SOX5: variants seen among roughly 807,000 people sequenced by gnomAD.
The protein encoded by SOX5 is transcription factor SOX-5.
A neutral mutation model predicts 92.0 loss-of-function variants in SOX5; 9 were observed. The ratio of observed to expected loss-of-function variants is 0.10; its 90% CI spans 0.06 to 0.17. SOX5 has a LOEUF of 0.17. SOX5 is among the 10% of genes least tolerant of loss of function. The pLI, the probability that SOX5 is intolerant of heterozygous loss-of-function variation, is 1.00. For synonymous variants in SOX5, 344 were observed against 336.3 expected (o/e 1.02, Z -0.25); for missense variants, 642 against 944.5 (o/e 0.68, Z 4.20).
chr12:23,955,854 C>A (rs1946226087), upstream of SOX5, among the ~76,000 whole-genome samples: 1 of 152,086 alleles, frequency 6.6e-6, no homozygotes, highest in South Asian at 2.1e-4. Context: ...AATTTTTCAA[C>A]CTGGAAAGTA....
chr12:24,049,919 G>A (rs1425306868), intron 4 of SOX5, among the ~76,000 whole-genome samples: 1 of 151,700 alleles, frequency 6.6e-6, no homozygotes, highest in East Asian at 1.9e-4. Context: ...GCAGGGATAT[G>A]GCAACATGTG....
intron 3 of SOX5, among the ~76,000 whole-genome samples, chr12:23,775,028 G>C (rs2095054925): frequency 6.6e-6 from 1 of 152,020 alleles, no homozygotes; most frequent in Non-Finnish European, 1.5e-5. Context: ...ATTTGTAACG[G>C]CTATGACAAA....
At chr12:23,543,460 G>C (rs1471349194) in intron 12 of SOX5, 76 bp from the exon 13 acceptor site, 1 of 1,146,354 alleles carries the variant, frequency 8.7e-7, no homozygotes, top group African/African-American at 1.5e-5. Flanking sequence ...CTATTTTTCA[G>C]TCTATTAAGA....
chr12:24,199,593 G>C (rs1180144977), intron 4 of SOX5, among the ~76,000 whole-genome samples: 2 of 152,192 alleles, frequency 1.3e-5, no homozygotes, highest in East Asian at 3.9e-4. Context: ...GTGCTGGGTA[G>C]AAATAACACT....
chr12:24,505,576 T>C (rs1948636484), intron 1 of SOX5, among the ~76,000 whole-genome samples: 1 of 152,244 alleles, frequency 6.6e-6, no homozygotes, highest in African/African-American at 2.4e-5. Context: ...ACAGGTGCTC[T>C]GATAACAAGA....
intron 4 of SOX5, among the ~76,000 whole-genome samples, chr12:24,174,608 G>A (rs1161603684): frequency 6.6e-6 from 1 of 152,136 alleles, no homozygotes; most frequent in African/African-American, 2.4e-5. Flanking sequence ...GATCACCTGA[G>A]GTCAGGAGTT....
intron 8 of SOX5, among the ~76,000 whole-genome samples, chr12:23,635,201 C>T (rs997599285): frequency 4.0e-4 from 61 of 151,868 alleles, no homozygotes; most frequent in African/African-American, 1.4e-3. Flanking sequence ...AAGTGGGATT[C>T]GATTAGTAAA....
chr12:24,173,674 A>T (rs1319934959), intron 4 of SOX5, among the ~76,000 whole-genome samples: 2 of 152,194 alleles, frequency 1.3e-5, no homozygotes, highest in Admixed American at 1.3e-4. Context: ...TGCTGGGGTC[A>T]GGGCGGGGGA....
intron 8 of SOX5, among the ~76,000 whole-genome samples, chr12:23,624,988 T>C (rs1365569604): frequency 2.0e-5 from 3 of 152,186 alleles, no homozygotes; most frequent in Non-Finnish European, 4.4e-5. Context: ...TAACTTAGAT[T>C]GATCCCTATA....
chr12:24,140,218 C>G (rs373515076), intron 4 of SOX5, among the ~76,000 whole-genome samples: 7 of 151,818 alleles, frequency 4.6e-5, no homozygotes, highest in Non-Finnish European at 7.4e-5. Flanking sequence ...ATACATACAC[C>G]GTCAAAGATA....
rs547521328 is a variant in SOX5 at position 24,522,202 on chromosome 12, A to C, written c.-251+40127T>G. On this transcript the variant is annotated intron_variant, in intron 1 of 4. Transcript: ENST00000446891. ...ATAGATAAACTCCTAGAAATATGAG[A>C]CTTATAAGAATGAATCACAGAGAAA... is the stretch of plus-strand genomic sequence containing the variant. Among the ~76,000 whole-genome samples, 30 of 152,110 alleles carry C rather than the reference A, an allele frequency of 2.0e-4. No homozygotes were observed. In the East Asian group the frequency reaches 5.4e-3, roughly 27 times the overall value.
chr12:23,710,061 C>T (rs769506325), intron 6 of SOX5, among the ~76,000 whole-genome samples: 4 of 152,154 alleles, frequency 2.6e-5, no homozygotes, highest in Non-Finnish European at 5.9e-5. Flanking sequence ...GAAAAAGTCA[C>T]ATATTAGAAA....
chr12:24,376,034 T>C (rs1957229431), intron 1 of SOX5, among the ~76,000 whole-genome samples: 1 of 152,194 alleles, frequency 6.6e-6, no homozygotes, highest in Non-Finnish European at 1.5e-5. Flanking sequence ...CTAAGAAAGA[T>C]GACCACTTCT....
intron 3 of SOX5, among the ~76,000 whole-genome samples, chr12:24,245,807 G>A (rs1938584805): frequency 6.6e-6 from 1 of 152,140 alleles, no homozygotes; most frequent in African/African-American, 2.4e-5. Context: ...AGCAGCTAAG[G>A]AAAAGAGCTG....
intron 3 of SOX5, among the ~76,000 whole-genome samples, chr12:23,826,699 TA>T (rs34746862): frequency 0.58 from 86,858 of 149,840 alleles, 25,068 homozygotes; most frequent in East Asian, 0.82. Context: ...AATTAGGGCT[TA>T]AAAAAAAAAA....
At position 24,335,389 on chromosome 12, in the gene SOX5, A is replaced by T. The variant is rs202080853; in HGVS notation, c.-174+33174T>A. ...TTATTATAACAATCACATTTTAACA[A>T]TAGCCTTTATTGAGCATTTAGTATA... On this transcript the variant is annotated intron_variant, in intron 2 of 4. Coordinates refer to the SOX5 transcript ENST00000446891. 2.6e-5 allele frequency among the ~76,000 whole-genome samples: 4 copies of T among 152,206 alleles called. No homozygotes were observed. In the East Asian group the frequency reaches 7.7e-4, roughly 29 times the overall value.
At chr12:24,006,857 G>T (rs1030913500) in intron 4 of SOX5, among the ~76,000 whole-genome samples, 1 of 151,932 alleles carries the variant, frequency 6.6e-6, no homozygotes, top group East Asian at 1.9e-4. Context: ...AACTGAAGTG[G>T]GTGCGGTGCC....
At chr12:24,070,938 A>G (rs1941679141) in intron 4 of SOX5, among the ~76,000 whole-genome samples, 1 of 152,158 alleles carries the variant, frequency 6.6e-6, no homozygotes, top group Non-Finnish European at 1.5e-5. Flanking sequence ...AGTTTTGCCT[A>G]ATCACCAAAG....
At chr12:24,016,271 G>C (rs980190132) in intron 4 of SOX5, among the ~76,000 whole-genome samples, 1 of 152,128 alleles carries the variant, frequency 6.6e-6, no homozygotes, top group African/African-American at 2.4e-5. Context: ...GCCATGTTTT[G>C]CATCAACAAG....
Sources: allele counts gnomAD v4.1 joint callset (sites outside exome capture counted in the v4.1 genomes callset), GRCh38; gene constraint gnomAD v4.1.1; transcripts MANE v1.5; gene names NCBI Gene and HGNC (gene_info 2026-07-23, HGNC 2026-07-21).